Variants in TRPC4AP observed in about 807,000 individuals in gnomAD.
TRPC4AP encodes transient receptor potential cation channel subfamily C member 4 associated protein.
Under a neutral mutation model 99.0 loss-of-function variants are expected in TRPC4AP, and 45 were observed. The ratio of observed to expected loss-of-function variants is 0.45; its 90% CI spans 0.36 to 0.58. The LOEUF is 0.58. Ranked by LOEUF, TRPC4AP falls within the 20% of genes least tolerant of loss-of-function variation. The probability of loss-of-function intolerance (pLI) is 0.00; values close to 1 mark genes in which losing one functional copy is unlikely to be tolerated. For synonymous variants in TRPC4AP, 408 were observed against 385.8 expected (o/e 1.06, Z -0.67); for missense variants, 879 against 985.3 (o/e 0.89, Z 1.44).
At chr20:35,055,349 C>A (rs2083800035) in intron 4 of TRPC4AP, among the ~76,000 whole-genome samples, 1 of 152,014 alleles carries the variant, frequency 6.6e-6, no homozygotes. Flanking sequence ...TAGGATATAT[C>A]TAGGATTTGT....
rs139390267 is a variant in TRPC4AP at position 35,058,817 on chromosome 20, T to C, written c.415-1246A>G. Among the ~76,000 whole-genome samples, 279 of 149,130 alleles carry C rather than the reference T, an allele frequency of 1.9e-3. 1 individual carries two copies. The highest frequency in any genetic ancestry group is 6.1e-3 in the African/African-American group (245 of 40,350). On this transcript the variant is annotated intron_variant, in intron 3 of 18. Transcript: ENST00000252015. ...CGATTCTCCTGCCTCAGCCTCAGAG[T>C]AGCAGGGATTACAGGTGCCTGCCAC... is the stretch of plus-strand genomic sequence containing the variant.
Position 35,016,061 on chromosome 20 carries a change from A to C in TRPC4AP, c.1297T>G (p.Ser433Ala). The part of the protein sequence containing the change: ...LFDKLIWRKH[S>A]ASALVLHGHN... ...CCATGGAGGACAAGGGCAGATGCTG[A>C]ATGCTTCCTCCAAATCAGTTTGTCA... The change falls in exon 10 of 19, where the codon TCA becomes GCA. Residue 433 changes from serine (S) to alanine (A), a missense_variant. Physicochemically the swap from Ser to Ala is moderately conservative, Grantham distance 99 (BLOSUM62 1). This residue lies in a region of TRPC4AP where 603 missense variants were observed against 631.8 expected (regional missense o/e 0.95). Coordinates refer to ENST00000252015, the MANE Select transcript of TRPC4AP (RefSeq NM_015638.3). 6.2e-7 allele frequency: 1 copy of C among 1,614,184 alleles called. No homozygotes were observed. The highest frequency in any genetic ancestry group is 2.2e-5 in the East Asian group (1 of 44,880).
At chr20:35,024,582 G>A (rs551653918) in intron 8 of TRPC4AP, among the ~76,000 whole-genome samples, 32 of 152,056 alleles carry the variant, frequency 2.1e-4, no homozygotes, top group Non-Finnish European at 4.3e-4. Flanking sequence ...CCGGCACTTT[G>A]GAAGACCAAG....
At position 35,032,572 on chromosome 20, in the gene TRPC4AP, C is replaced by T. The variant is rs1451772453; in HGVS notation, c.1051+2551G>A. On this transcript the variant is annotated intron_variant, in intron 8 of 18. Coordinates refer to ENST00000252015, the MANE Select transcript of TRPC4AP (RefSeq NM_015638.3). ...CTGCAACCTCTGCCTCCCAGGTTCT[C>T]GCCATTCTCCTGCCTCAGGCCTCCC... 5.3e-5 allele frequency among the ~76,000 whole-genome samples: 8 copies of T among 149,572 alleles called. 1 individual carries two copies. The Admixed American group carries it at 5.4e-4, about 10-fold the overall frequency.
At chr20:35,060,590 A>C (rs2083977134) in intron 3 of TRPC4AP, among the ~76,000 whole-genome samples, 1 of 114,878 alleles carries the variant, frequency 8.7e-6, no homozygotes, top group Admixed American at 7.8e-5. Flanking sequence ...GTCTCCAAAA[A>C]AAAAAAAAAA....
At chr20:35,003,304 T>TGG (rs59909520) in intron 18 of TRPC4AP, 21 bp from the exon 19 acceptor site, 3 of 1,613,686 alleles carry the variant, frequency 1.9e-6, no homozygotes, top group Non-Finnish European at 2.5e-6. Context: ...AGGGAGGGGC[T>TGG]GGGGGGCGCC....
Position 35,078,174 on chromosome 20 carries a change from A to C in TRPC4AP, c.169T>G (p.Phe57Val), listed in dbSNP as rs1569149048. The C allele has an allele frequency of 6.2e-7, 1 of 1,612,770 alleles. No homozygotes were observed. The highest frequency in any genetic ancestry group is 8.5e-7 in the Non-Finnish European group (1 of 1,179,074). The change falls in exon 2 of 19, where the codon TTC becomes GTC. Residue 57 changes from phenylalanine to valine, a missense_variant and splice_region_variant. Coordinates refer to ENST00000252015, the MANE Select transcript of TRPC4AP (RefSeq NM_015638.3). The stretch of plus-strand genomic sequence containing the variant: ...CTCTCCGTCAAAAAAGTCTCAGTGA[A>C]CTGTGAGTCAAAAAAAGAGAGAACA... ...TGRGLVRAVQFTETFLTERDK... is the reference protein window; with the variant it reads ...TGRGLVRAVQVTETFLTERDK...
At chr20:35,081,863 T>C (rs1034004652) in intron 1 of TRPC4AP, among the ~76,000 whole-genome samples, 1 of 152,026 alleles carries the variant, frequency 6.6e-6, no homozygotes, top group Admixed American at 6.6e-5. Flanking sequence ...CACAGGCCTG[T>C]AATCCCAGTT....
rs116590256 is a variant in TRPC4AP, at chr20:35,024,528, A to C, written c.1052-3172T>G. On this transcript the variant is annotated intron_variant, in intron 8 of 18. Coordinates refer to ENST00000252015, the MANE Select transcript of TRPC4AP (RefSeq NM_015638.3). ...TGCTGAATAATATCCGCTAGTATAA[A>C]TATATCACATTCTGGCTTGGTACAG... 6.6e-3 allele frequency among the ~76,000 whole-genome samples: 1,004 copies of C among 152,226 alleles called. 8 individuals carry two copies. Among genetic ancestry groups the C allele is most frequent in the African/African-American group, 0.022 (918 of 41,536 alleles).
chr20:35,060,585 C>CAA (rs35143678), intron 3 of TRPC4AP, among the ~76,000 whole-genome samples: 255 of 70,330 alleles, frequency 3.6e-3, no homozygotes, highest in East Asian at 5.2e-3. Flanking sequence ...ACCTTGTCTC[C>CAA]AAAAAAAAAA....
At chr20:35,085,259 T>G (rs778987302) in intron 1 of TRPC4AP, among the ~76,000 whole-genome samples, 3 of 152,180 alleles carry the variant, frequency 2.0e-5, no homozygotes, top group Non-Finnish European at 4.4e-5. Flanking sequence ...ATATTTGACT[T>G]CACAAGCAAT....
At chr20:35,079,473 T>C (rs1250659000) in intron 1 of TRPC4AP, among the ~76,000 whole-genome samples, 1 of 152,114 alleles carries the variant, frequency 6.6e-6, no homozygotes, top group East Asian at 1.9e-4. Flanking sequence ...GCTTCTACCT[T>C]AGTAAACTAC....
intron 6 of TRPC4AP, among the ~76,000 whole-genome samples, chr20:35,048,441 A>G (rs2083612382): frequency 6.6e-6 from 1 of 150,442 alleles, no homozygotes; most frequent in Non-Finnish European, 1.5e-5. Context: ...CTGTTCTCAA[A>G]CTCCTGACCT....
chr20:35,071,867 T>C (rs1376398150), intron 2 of TRPC4AP, among the ~76,000 whole-genome samples: 1 of 151,754 alleles, frequency 6.6e-6, no homozygotes, highest in African/African-American at 2.4e-5. Context: ...CACACTGTCT[T>C]CCACAATGGT....
intron 8 of TRPC4AP, among the ~76,000 whole-genome samples, chr20:35,026,319 A>T (rs916761523): frequency 6.6e-6 from 1 of 151,368 alleles, no homozygotes; most frequent in Non-Finnish European, 1.5e-5. Context: ...GGCTCAAGCT[A>T]CCCTCCCACC....
chr20:35,057,514 T>C lies in TRPC4AP; in HGVS notation c.472A>G (p.Ile158Val), dbSNP rs779528256. The C allele has an allele frequency of 1.2e-6, 2 of 1,611,738 alleles. No homozygotes were observed. The highest frequency in any genetic ancestry group is 1.7e-5 in the Admixed American group (1 of 59,858). Reference sequence around the variant, plus strand: ...ACCAGTAGCTAATAGGTATACTTACTTTTCAGTTTCTGTCCCCGGATAGAG... The same window carrying C: ...ACCAGTAGCTAATAGGTATACTTACCTTTCAGTTTCTGTCCCCGGATAGAG... ...TISIRGQKLK[I>V]SDEMSKDCLS... The change falls in exon 4 of 19, where the codon ATA becomes GTA. Residue 158 changes from isoleucine (I) to valine (V), a missense_variant and splice_region_variant. By Grantham distance (29) the Ile-to-Val change is conservative (BLOSUM62 3). Transcript: ENST00000252015.
chr20:35,087,448 G>A (rs1249523242), intron 1 of TRPC4AP, among the ~76,000 whole-genome samples: 2 of 152,126 alleles, frequency 1.3e-5, no homozygotes, highest in Non-Finnish European at 2.9e-5. Flanking sequence ...TGCCATGTGG[G>A]AAATATAACA....
At chr20:35,022,404 C>T (rs1312906789) in intron 8 of TRPC4AP, among the ~76,000 whole-genome samples, 1 of 152,224 alleles carries the variant, frequency 6.6e-6, no homozygotes, top group Non-Finnish European at 1.5e-5. Context: ...GATCTGCCCG[C>T]CTCAGCCTCC....
chr20:35,055,490 G>C (rs187645835), intron 4 of TRPC4AP, among the ~76,000 whole-genome samples: 4 of 152,240 alleles, frequency 2.6e-5, no homozygotes, highest in African/African-American at 9.6e-5. Context: ...AGAACTACTA[G>C]AATCTAAAGT....
Sources: gnomAD v4.1 joint callset for allele counts (sites outside exome capture counted in the v4.1 genomes callset) on GRCh38, gnomAD v4.1.1 for gene constraint, gnomAD v4.1.1 regional missense constraint, MANE v1.5 for transcripts, NCBI Gene and HGNC (gene_info 2026-07-23, HGNC 2026-07-21) for gene names.